The following LPIN2 variants were observed in gnomAD, a reference collection of about 807,000 sequenced individuals.
The protein encoded by LPIN2 is lipin 2.
In LPIN2, 55 loss-of-function variants were observed where a neutral mutation model predicts 111.4. The observed-to-expected ratio is 0.49, with a 90% CI of 0.40 to 0.62. The LOEUF (loss-of-function observed/expected upper bound fraction) is 0.62. Ranked by LOEUF, LPIN2 falls within the 20% of genes least tolerant of loss-of-function variation. LPIN2 has a pLI of 0.00. For synonymous variants in LPIN2, 425 were observed against 414.0 expected (o/e 1.03, Z -0.32); for missense variants, 992 against 1,112.1 (o/e 0.89, Z 1.54).
At chr18:2,940,021 G>A (rs1303255089) in intron 5 of LPIN2, among the ~76,000 whole-genome samples, 4 of 152,174 alleles carry the variant, frequency 2.6e-5, no homozygotes, top group Non-Finnish European at 5.9e-5. Context: ...ACTAAAAGAT[G>A]AGAATTTTTA....
At chr18:2,983,775 T>C (rs2143386965) in intron 1 of LPIN2, among the ~76,000 whole-genome samples, 1 of 152,264 alleles carries the variant, frequency 6.6e-6, no homozygotes, top group Admixed American at 6.5e-5. Context: ...AAATAAGAAA[T>C]TACATTTACT....
chr18:2,982,313 C>T (rs956365983), intron 1 of LPIN2, among the ~76,000 whole-genome samples: 1 of 152,114 alleles, frequency 6.6e-6, no homozygotes, highest in Non-Finnish European at 1.5e-5. Flanking sequence ...TTTACTACTA[C>T]ACTTAAATGC....
intron 1 of LPIN2, among the ~76,000 whole-genome samples, chr18:3,012,333 T>C (rs1309442858): frequency 6.6e-6 from 1 of 152,258 alleles, no homozygotes; most frequent in African/African-American, 2.4e-5. Context: ...TGCATAATTA[T>C]GCCTAAAAAA....
chr18:2,990,135 A>C (rs534404405), intron 1 of LPIN2, among the ~76,000 whole-genome samples: 3 of 152,194 alleles, frequency 2.0e-5, no homozygotes, highest in Non-Finnish European at 4.4e-5. Context: ...AAAAGAATGA[A>C]GTTGGAACCC....
chr18:2,991,354 C>T (rs1306534781), intron 1 of LPIN2, among the ~76,000 whole-genome samples: 1 of 152,152 alleles, frequency 6.6e-6, no homozygotes, highest in East Asian at 1.9e-4. Context: ...AACTGAAACA[C>T]TTGTGCACTG....
chr18:2,937,638 A>G, intron 7 of LPIN2, 54 bp downstream of exon 7: 2 of 1,461,996 alleles, frequency 1.4e-6, no homozygotes, highest in South Asian at 2.3e-5. Flanking sequence ...GAACACTGAA[A>G]TAATTTACCA....
intron 1 of LPIN2, among the ~76,000 whole-genome samples, chr18:3,010,906 G>A (rs372623600): frequency 1.3e-5 from 2 of 152,154 alleles, no homozygotes; most frequent in Admixed American, 6.5e-5. Context: ...GGCACCACCA[G>A]GAATATTCAT....
At chr18:2,922,663 G>A (rs1024791509) in intron 16 of LPIN2, among the ~76,000 whole-genome samples, 2 of 152,166 alleles carry the variant, frequency 1.3e-5, no homozygotes, top group African/African-American at 4.8e-5. Flanking sequence ...AACTGCTTAG[G>A]ATTATAGAGG....
intron 1 of LPIN2, among the ~76,000 whole-genome samples, chr18:3,005,281 T>C (rs969939134): frequency 6.8e-6 from 1 of 146,234 alleles, no homozygotes; most frequent in African/African-American, 2.7e-5. Context: ...ACCCAGGAGG[T>C]AGAGGCTGCA....
chr18:2,964,354 C>T (rs556476946), intron 1 of LPIN2, among the ~76,000 whole-genome samples: 11 of 151,514 alleles, frequency 7.3e-5, no homozygotes, highest in African/African-American at 2.4e-4. Context: ...TCCCTCTGTC[C>T]CCCACCACCA....
chr18:3,006,792 G>A lies in LPIN2; in HGVS notation c.-10+6295C>T, dbSNP rs558610409. On this transcript the variant is annotated intron_variant, in intron 1 of 19. Transcript: ENST00000677752. ...GCGGAGCTTGCAGTGAGCAGAGATC[G>A]CGCCGCTGCACTCCAGCCTGGGCGA... Among the ~76,000 whole-genome samples the A allele has an allele frequency of 6.9e-4, 105 of 151,432 alleles. 1 individual carries two copies. Among genetic ancestry groups the A allele is most frequent in the African/African-American group, 1.2e-3 (48 of 41,292 alleles).
intron 13 of LPIN2, among the ~76,000 whole-genome samples, chr18:2,926,157 C>T (rs899068355): frequency 6.6e-6 from 1 of 152,038 alleles, no homozygotes; most frequent in African/African-American, 2.4e-5. Context: ...ATTTTAGACA[C>T]CCCTTAAAAG....
intron 1 of LPIN2, among the ~76,000 whole-genome samples, chr18:3,009,435 A>AT (rs2078566609): frequency 1.3e-5 from 2 of 151,074 alleles, no homozygotes; most frequent in Admixed American, 6.6e-5. Context: ...AATAAGTACC[A>AT]TTTTTTGTTT....
In LPIN2 at chr18:2,941,627, A is replaced by C. The variant is rs149972488; in HGVS notation, c.591-915T>G. 3.5e-4 allele frequency among the ~76,000 whole-genome samples: 53 copies of C among 152,324 alleles called. 1 individual carries two copies. The Middle Eastern group carries it at 0.01, about 29-fold the overall frequency. ...GAAATCTCTGAAAAGTAAAAAGAAA[A>C]GCACAAAGAAAGACTCTGGCCAGGT... On this transcript the variant is annotated intron_variant, in intron 4 of 19. Transcript: ENST00000677752.
chr18:2,964,853 C>T (rs1299897135), intron 1 of LPIN2, among the ~76,000 whole-genome samples: 1 of 152,208 alleles, frequency 6.6e-6, no homozygotes, highest in African/African-American at 2.4e-5. Context: ...AACCACAACA[C>T]ACCAAAGAAT....
chr18:2,928,790 C>T, intron 10 of LPIN2, 130 bp from the exon 11 acceptor site: 1 of 778,910 alleles, frequency 1.3e-6, no homozygotes, highest in Non-Finnish European at 2.2e-6. Context: ...TAAAGATGAT[C>T]AGCTGAATTT....
chr18:2,920,843 A>G lies in LPIN2; in HGVS notation c.2481T>C (p.Cys827=), dbSNP rs771390365. 1.9e-6 allele frequency: 3 copies of G among 1,614,140 alleles called. No homozygotes were observed. Among genetic ancestry groups the G allele is most frequent in the Admixed American group, 1.7e-5 (1 of 60,020 alleles). The change falls in exon 19 of 20, where the codon TGT becomes TGC. Residue 827 remains cysteine (C), a synonymous_variant. Transcript: ENST00000677752. ...YAYTQVGVPD[C]RIFTVNPKGE... ...CCTTGGGGTTCACGGTGAATATTCT[A>G]CAGTCTGGAACTCCAACTTGTGTGT...
At chr18:2,943,203 C>T (rs581895) in intron 4 of LPIN2, among the ~76,000 whole-genome samples, 132,592 of 150,894 alleles carry the variant, frequency 0.88, 58,212 homozygotes, top group East Asian at 1. Flanking sequence ...AGTTTTTTTT[C>T]TGTTTTGTTT....
intron 1 of LPIN2, among the ~76,000 whole-genome samples, chr18:2,976,479 G>A (rs2078018517): frequency 6.6e-6 from 1 of 152,210 alleles, no homozygotes; most frequent in East Asian, 1.9e-4. Context: ...AATGTAGGCT[G>A]CCTTATCAAA....
Sources: allele counts gnomAD v4.1 joint callset (sites outside exome capture counted in the v4.1 genomes callset), GRCh38; gene constraint gnomAD v4.1.1; transcripts MANE v1.5; gene names NCBI Gene and HGNC (gene_info 2026-07-23, HGNC 2026-07-21).